Variants in DNAAF1 observed in about 807,000 individuals in gnomAD.
The protein encoded by DNAAF1 is dynein assembly factor 1, axonemal.
DNAAF1 carries 65 observed loss-of-function variants against 71.1 expected under a neutral mutation model. The ratio of observed to expected loss-of-function variants is 0.91; its 90% confidence interval spans 0.75 to 1.12. The LOEUF is 1.12. Among genes scored for constraint, DNAAF1 ranks in the 50% most tolerant of loss-of-function variants. The pLI, the probability that DNAAF1 is intolerant of heterozygous loss-of-function variation, is 0.00. For missense variants in DNAAF1, 1,178 were observed against 899.8 expected, an observed-to-expected ratio of 1.31 and a Z score of -3.96; for synonymous variants, 414 against 354.6, an observed-to-expected ratio of 1.17 and a Z score of -1.88.
At chr16:84,153,645 C>T (rs1409540993) in intron 3 of DNAAF1, among the ~76,000 whole-genome samples, 1 of 151,928 alleles carries the variant, frequency 6.6e-6, no homozygotes, top group Admixed American at 6.6e-5. Context: ...CTTTTTCAGG[C>T]AACAAAATAA....
At chr16:84,159,011 G>A in intron 5 of DNAAF1, 1 of 986,606 alleles carries the variant, frequency 1.0e-6, no homozygotes. Flanking sequence ...GATTACAGGA[G>A]TGAGCCACCA....
chr16:84,162,688 G>A (rs1223742630), intron 6 of DNAAF1, among the ~76,000 whole-genome samples: 4 of 152,000 alleles, frequency 2.6e-5, no homozygotes, highest in South Asian at 4.2e-4. Context: ...GTGTGGTGGC[G>A]GGCGCCTGTA....
At chr16:84,170,473 C>G (rs1046387088) in intron 8 of DNAAF1, 117 bp downstream of exon 8, 1 of 1,508,054 alleles carries the variant, frequency 6.6e-7, no homozygotes, top group Non-Finnish European at 9.0e-7. Flanking sequence ...ATTGCTGTTT[C>G]TAGAAGATAA....
intron 5 of DNAAF1, among the ~76,000 whole-genome samples, chr16:84,157,893 G>C (rs1270023382): frequency 6.6e-6 from 1 of 152,078 alleles, no homozygotes; most frequent in Non-Finnish European, 1.5e-5. Flanking sequence ...ATAAGTACCG[G>C]GTGGCTTAAC....
At chr16:84,168,822 C>CCGCATACA (rs1555524802) in intron 7 of DNAAF1, among the ~76,000 whole-genome samples, 1 of 42,346 alleles carries the variant, frequency 2.4e-5, no homozygotes, top group Non-Finnish European at 5.5e-5. Context: ...TACACATTTG[C>CCGCATACA]CACATACACA....
intron 9 of DNAAF1, 71 bp from the exon 10 acceptor site, chr16:84,174,598 T>C (rs1411945325): frequency 1.7e-5 from 28 of 1,613,458 alleles, no homozygotes; most frequent in Non-Finnish European, 2.4e-5. Context: ...GTGTTTGCCT[T>C]TATCGTGCCT....
intron 6 of DNAAF1, among the ~76,000 whole-genome samples, chr16:84,163,480 A>G (rs1195643250): frequency 1.3e-5 from 2 of 151,538 alleles, no homozygotes; most frequent in Non-Finnish European, 2.9e-5. Flanking sequence ...TCCCAGGTTC[A>G]AGCAATTCTC....
intron 3 of DNAAF1, among the ~76,000 whole-genome samples, chr16:84,152,828 G>A (rs1056429727): frequency 1.3e-5 from 2 of 151,568 alleles, no homozygotes; most frequent in African/African-American, 2.4e-5. Context: ...GTGATGGCGG[G>A]TACCTGTAAT....
intron 6 of DNAAF1, among the ~76,000 whole-genome samples, chr16:84,160,710 G>A (rs1384706795): frequency 1.3e-5 from 2 of 152,022 alleles, no homozygotes; most frequent in South Asian, 2.1e-4. Context: ...CAAGGCGGGC[G>A]GATCACGAGG....
intron 1 of DNAAF1, among the ~76,000 whole-genome samples, chr16:84,147,461 G>C (rs1354130930): frequency 6.6e-6 from 1 of 151,978 alleles, no homozygotes; most frequent in Non-Finnish European, 1.5e-5. Flanking sequence ...TCATGTTATT[G>C]TTATCATAGA....
chr16:84,149,468 A>G (rs959103990), intron 2 of DNAAF1, among the ~76,000 whole-genome samples: 10 of 151,070 alleles, frequency 6.6e-5, no homozygotes, highest in African/African-American at 2.2e-4. Context: ...GAGGTGGGCG[A>G]ATCACAAGGT....
rs1338915162 is a variant in DNAAF1, at chr16:84,177,787, C to T, written c.2124C>T (p.Ser708=). ...PETCVGVAQP[S]QALPTWDLTA... is the part of the protein sequence containing the mutation. ...CGTGTGTCGGAGTTGCCCAGCCCAG[C>T]CAAGCTCTGCCCACGTGGGACCTCA... The change falls in exon 12 of 12, where the codon AGC becomes AGT. Residue 708 remains serine, a synonymous_variant. Transcript: ENST00000378553. 6.2e-7 allele frequency: 1 copy of T among 1,613,976 alleles called. No individual in the cohort carries two copies. The highest frequency in any genetic ancestry group is 8.5e-7 in the Non-Finnish European group (1 of 1,179,998).
At chr16:84,168,572 C>G (rs904127950) in intron 7 of DNAAF1, among the ~76,000 whole-genome samples, 11 of 152,260 alleles carry the variant, frequency 7.2e-5, no homozygotes, top group African/African-American at 2.6e-4. Context: ...GCCACTGCAC[C>G]TGGCCACACA....
chr16:84,147,321 G>T (rs182682595), intron 1 of DNAAF1, among the ~76,000 whole-genome samples: 8 of 152,070 alleles, frequency 5.3e-5, no homozygotes, highest in Non-Finnish European at 1.0e-4. Context: ...GTCCCCACAC[G>T]CACAGCCTTT....
At chr16:84,147,848 C>T (rs1473549919) in intron 1 of DNAAF1, among the ~76,000 whole-genome samples, 1 of 152,082 alleles carries the variant, frequency 6.6e-6, no homozygotes, top group Admixed American at 6.6e-5. Context: ...GGTGGGTCAC[C>T]TGAGGTCAGG....
intron 10 of DNAAF1, 106 bp downstream of exon 10, chr16:84,174,828 A>G: frequency 7.1e-7 from 1 of 1,403,212 alleles, no homozygotes; most frequent in South Asian, 1.2e-5. Flanking sequence ...TTCCCTGTGC[A>G]TAAAGCATTG....
chr16:84,177,530 T>C (rs780375957), intron 11 of DNAAF1, 199 bp from the exon 12 acceptor site: 8 of 550,820 alleles, frequency 1.5e-5, no homozygotes, highest in Non-Finnish European at 2.4e-5. Context: ...GGTTTCACCA[T>C]GTTGACCAGG....
Position 84,177,828 on chromosome 16 carries a change from C to G in DNAAF1, c.2165C>G (p.Pro722Arg), listed in dbSNP as rs775816960. Residue 722 changes from proline to arginine, a missense_variant, in exon 12 of 12, where the codon CCG becomes CGG. Physicochemically the swap from Pro to Arg is moderately radical, Grantham distance 103 (BLOSUM62 -2). Coordinates refer to ENST00000378553, the MANE Select transcript of DNAAF1 (RefSeq NM_178452.6). ...PTWDLTAFPA[P>R]KAS ...TGGGACCTCACTGCATTCCCAGCAC[C>G]GAAAGCATCATAGTTTTCCCCAGTT... is the stretch of plus-strand genomic sequence containing the variant. 8.7e-6 allele frequency: 14 copies of G among 1,613,444 alleles called. No individual in the cohort carries two copies. Among genetic ancestry groups the G allele is most frequent in the Admixed American group, 8.3e-5 (5 of 59,994 alleles).
chr16:84,149,260 C>G, intron 2 of DNAAF1, 118 bp downstream of exon 2: 1 of 1,341,606 alleles, frequency 7.5e-7, no homozygotes, highest in Non-Finnish European at 1.1e-6. Flanking sequence ...TGCCCAATGT[C>G]TGAGAATGGA....
Sources: allele counts gnomAD v4.1 joint callset (sites outside exome capture counted in the v4.1 genomes callset), GRCh38; gene constraint gnomAD v4.1.1; transcripts MANE v1.5; gene names NCBI Gene and HGNC (gene_info 2026-07-23, HGNC 2026-07-21).